TENM1: variants seen among roughly 807,000 people sequenced by gnomAD.
TENM1 encodes teneurin-1.
In TENM1, 35 loss-of-function variants were observed where a neutral mutation model predicts 174.8. That is an observed-to-expected ratio of 0.20 (90% CI 0.15 to 0.27). The LOEUF is 0.27. TENM1 is among the 10% of genes least tolerant of loss of function. TENM1 has a pLI of 1.00. For synonymous variants in TENM1, 781 were observed against 798.7 expected, an observed-to-expected ratio of 0.98 and a Z score of 0.37; for missense variants, 1,633 against 2,130.1, an observed-to-expected ratio of 0.77 and a Z score of 4.59.
chrX:124,389,231 CACAAAATTTCTGCGTGTT>C (rs2060256467), intron 28 of TENM1, among the ~76,000 whole-genome samples: 1 of 112,493 alleles, frequency 8.9e-6, no homozygotes, highest in Non-Finnish European at 1.9e-5. Flanking sequence ...AAACTATTTT[CACAAAATTTCTGCGTGTT>C]AAGGTGAAAA....
At chrX:124,699,242 G>C (rs1228350469) in intron 5 of TENM1, among the ~76,000 whole-genome samples, 1 of 109,867 alleles carries the variant, frequency 9.1e-6, no homozygotes, top group African/African-American at 3.3e-5. Context: ...TTTTTGGTCT[G>C]AGTTTGCATG....
chrX:124,468,840 A>G (rs758314358), intron 22 of TENM1, among the ~76,000 whole-genome samples: 3 of 111,967 alleles, frequency 2.7e-5, no homozygotes, highest in South Asian at 3.7e-4. Context: ...TCCTTTTGCA[A>G]TTTTCTCTTT....
chrX:124,530,575 T>A (rs1043101391), intron 15 of TENM1, among the ~76,000 whole-genome samples: 1 of 111,591 alleles, frequency 9.0e-6, no homozygotes, highest in Non-Finnish European at 1.9e-5. Flanking sequence ...CATTTACATA[T>A]ATAGTATGAA....
chrX:124,637,448 T>C (rs895037028), intron 11 of TENM1, among the ~76,000 whole-genome samples: 1 of 111,173 alleles, frequency 9.0e-6, no homozygotes, highest in African/African-American at 3.3e-5. Flanking sequence ...ACACTTAAAT[T>C]CCCTTATATC....
At chrX:124,751,341 TCA>T in intron 3 of TENM1, among the ~76,000 whole-genome samples, 1 of 111,733 alleles carries the variant, frequency 8.9e-6, no homozygotes, top group South Asian at 3.8e-4. Flanking sequence ...AAACTATGAG[TCA>T]CATGTAGGGA....
the TENM1 span, among the ~76,000 whole-genome samples, chrX:125,126,107 A>G: frequency 9.6e-3 from 1,083 of 112,329 alleles, 16 homozygotes; most frequent in African/African-American, 0.033. Context: ...ATTTATGTGT[A>G]ATGTGAGTCT....
At chrX:124,455,136 A>C (rs1399982239) in intron 22 of TENM1, among the ~76,000 whole-genome samples, 1 of 112,475 alleles carries the variant, frequency 8.9e-6, no homozygotes, top group African/African-American at 3.2e-5. Flanking sequence ...CTTAACATCT[A>C]TAAAAGTTAC....
At chrX:124,619,193 C>T (rs1462924101) in intron 11 of TENM1, among the ~76,000 whole-genome samples, 2 of 111,988 alleles carry the variant, frequency 1.8e-5, no homozygotes, top group Admixed American at 9.5e-5. Flanking sequence ...CAATAATATA[C>T]CTTGAGCTGC....
intron 25 of TENM1, among the ~76,000 whole-genome samples, chrX:124,410,612 A>C (rs1822566354): frequency 8.9e-6 from 1 of 111,912 alleles, no homozygotes; most frequent in Non-Finnish European, 1.9e-5. Flanking sequence ...AAATTTTTGC[A>C]ATCTACTCAT....
chrX:124,743,992 T>C (rs983769947), intron 3 of TENM1, among the ~76,000 whole-genome samples: 4 of 111,351 alleles, frequency 3.6e-5, no homozygotes, highest in African/African-American at 1.3e-4. Context: ...AAAGCAGCCC[T>C]CCCCCAGCCC....
At chrX:125,151,742 T>A in the TENM1 span, among the ~76,000 whole-genome samples, 1 of 111,480 alleles carries the variant, frequency 9.0e-6, no homozygotes, top group East Asian at 2.8e-4. Flanking sequence ...CTGTCAAAAC[T>A]GGAGACATTT....
At chrX:124,564,968 A>G (rs1257168473) in intron 12 of TENM1, among the ~76,000 whole-genome samples, 1 of 111,602 alleles carries the variant, frequency 9.0e-6, no homozygotes, top group Admixed American at 9.5e-5. Flanking sequence ...AAGTAGTCCC[A>G]TTTAATGAAA....
intron 3 of TENM1, among the ~76,000 whole-genome samples, chrX:124,741,000 T>C (rs746799951): frequency 9.0e-6 from 1 of 111,490 alleles, no homozygotes; most frequent in South Asian, 3.8e-4. Flanking sequence ...GAAAATAAAT[T>C]AAGTTTTCAA....
At chrX:124,931,899 G>A (rs1012295619) in intron 1 of TENM1, among the ~76,000 whole-genome samples, 139 of 106,495 alleles carry the variant, frequency 1.3e-3, no homozygotes, top group Non-Finnish European at 6.4e-4. Context: ...ACACACACAC[G>A]TACACGCACA....
At chrX:124,561,181 T>G (rs1000488606) in intron 14 of TENM1, among the ~76,000 whole-genome samples, 36 of 112,241 alleles carry the variant, frequency 3.2e-4, no homozygotes, top group African/African-American at 1.1e-3. Flanking sequence ...CAAACTATGC[T>G]AACATCAAAC....
At chrX:125,010,682 C>T in the TENM1 span, among the ~76,000 whole-genome samples, 7 of 108,563 alleles carry the variant, frequency 6.4e-5, no homozygotes, top group African/African-American at 1.3e-4. Flanking sequence ...GGCGCGGTGG[C>T]GGGTGCCTGT....
intron 11 of TENM1, among the ~76,000 whole-genome samples, chrX:124,582,101 T>C (rs946151032): frequency 9.0e-6 from 1 of 111,513 alleles, no homozygotes; most frequent in African/African-American, 3.3e-5. Flanking sequence ...GTTCTCATTG[T>C]TCAGCTACCA....
At position 124,642,001 on chromosome X, in the gene TENM1, C is replaced by CA; in HGVS notation, c.1877-11dup. 1 of 1,189,631 alleles carries CA rather than the reference C, an allele frequency of 8.4e-7. No individual in the cohort carries two copies. Among genetic ancestry groups the CA allele is most frequent in the Non-Finnish European group, 1.1e-6 (1 of 878,344 alleles). Reference sequence around the variant, plus strand: ...GGGTCTAGGCAGTCCTCTGAAGGCACAAAAAAGTGGGGGGGAGGGGTGATT... The same window carrying CA: ...GGGTCTAGGCAGTCCTCTGAAGGCACAAAAAAAGTGGGGGGGAGGGGTGATT... On this transcript the variant is annotated splice_polypyrimidine_tract_variant and intron_variant, in intron 10 of 31. Coordinates refer to ENST00000422452, the Ensembl canonical transcript of TENM1.
chrX:125,156,361 G>A, the TENM1 span, among the ~76,000 whole-genome samples: 2 of 111,652 alleles, frequency 1.8e-5, no homozygotes, highest in Non-Finnish European at 3.8e-5. Context: ...TGTTACCCCG[G>A]TAATAAGCAT....
Sources: gnomAD v4.1 joint callset for allele counts (sites outside exome capture counted in the v4.1 genomes callset) on GRCh38, gnomAD v4.1.1 for gene constraint, MANE v1.5 for transcripts, NCBI Gene and HGNC (gene_info 2026-07-23, HGNC 2026-07-21) for gene names.